Variants in TFEC observed in about 807,000 individuals in gnomAD.
The protein encoded by TFEC is class E basic helix-loop-helix protein 34.
Under a neutral mutation model 41.6 loss-of-function variants are expected in TFEC, and 31 were observed. The ratio of observed to expected loss-of-function variants is 0.74; its 90% CI spans 0.56 to 1.01. TFEC has a LOEUF of 1.01. Ranked by LOEUF, TFEC falls within the 50% of genes least tolerant of loss-of-function variation. The probability of loss-of-function intolerance (pLI) is 0.00; values close to 1 mark genes in which losing one functional copy is unlikely to be tolerated. For synonymous variants in TFEC, 143 were observed against 140.6 expected (o/e 1.02, Z -0.12); for missense variants, 402 against 404.1 (o/e 0.99, Z 0.04).
chr7:116,097,437 C>T (rs1797492190), intron 3 of TFEC, among the ~76,000 whole-genome samples: 3 of 151,982 alleles, frequency 2.0e-5, no homozygotes, highest in African/African-American at 7.3e-5. Context: ...AACAATATGC[C>T]AACATCAATA....
intron 7 of TFEC, chr7:115,941,150 C>T (rs1793475628): frequency 2.0e-6 from 1 of 489,282 alleles, no homozygotes. Flanking sequence ...TAAGTTTGGT[C>T]TCATTGTTCT....
chr7:116,030,297 A>G (rs560471823), intron 1 of TFEC, among the ~76,000 whole-genome samples: 1 of 152,218 alleles, frequency 6.6e-6, no homozygotes, highest in Non-Finnish European at 1.5e-5. Flanking sequence ...AAAATAACAT[A>G]TATAAGAGGC....
At chr7:116,032,868 G>A (rs545825367), upstream of TFEC, among the ~76,000 whole-genome samples, 17 of 151,902 alleles carry the variant, frequency 1.1e-4, no homozygotes, top group East Asian at 5.8e-4. Flanking sequence ...CATGCATGTC[G>A]TTTCTAATAA....
At chr7:116,129,800 C>T (rs533398662) in intron 1 of TFEC, among the ~76,000 whole-genome samples, 4 of 151,656 alleles carry the variant, frequency 2.6e-5, no homozygotes, top group African/African-American at 7.3e-5. Context: ...AATATTCTTA[C>T]GTTCTATAAT....
chr7:116,007,642 T>A (rs541674565), intron 1 of TFEC, among the ~76,000 whole-genome samples: 1 of 152,152 alleles, frequency 6.6e-6, no homozygotes, highest in African/African-American at 2.4e-5. Context: ...GTGTTTCAGA[T>A]CCTACTAGGT....
At chr7:115,990,302 C>G (rs2130712429) in intron 1 of TFEC, among the ~76,000 whole-genome samples, 1 of 152,290 alleles carries the variant, frequency 6.6e-6, no homozygotes, top group East Asian at 1.9e-4. Context: ...GCTGAAAATT[C>G]TAAAATCAGA....
chr7:116,134,453 A>G (rs893279625), intron 1 of TFEC, among the ~76,000 whole-genome samples: 2 of 152,176 alleles, frequency 1.3e-5, no homozygotes, highest in Non-Finnish European at 2.9e-5. Flanking sequence ...AATCAGAAAC[A>G]TTACTATGCA....
In TFEC at chr7:115,942,017, G is replaced by T. The variant is rs1481790402; in HGVS notation, c.539C>A (p.Thr180Asn). Residue 180 changes from threonine (T) to asparagine (N), a missense_variant, in exon 7 of 8, where the codon ACC (threonine) becomes AAC (asparagine). Physicochemically the swap from Thr to Asn is moderately conservative, Grantham distance 65 (BLOSUM62 0). Coordinates refer to ENST00000265440, the MANE Select transcript of TFEC (RefSeq NM_012252.4). ...NDPDMRWNKG[T>N]ILKASVEYIK... ...GTACTCCACTGATGCTTTTAGAATGGTTCCTTTGTTCCAGCGCATATCACT... is the reference window on the plus strand; with the variant it reads ...GTACTCCACTGATGCTTTTAGAATGTTTCCTTTGTTCCAGCGCATATCACT... 1 of 1,612,548 alleles carries T rather than the reference G, an allele frequency of 6.2e-7. No homozygotes were observed. Among genetic ancestry groups the T allele is most frequent in the Non-Finnish European group, 8.5e-7 (1 of 1,179,064 alleles).
chr7:116,027,110 A>C (rs1020364606), intron 1 of TFEC, among the ~76,000 whole-genome samples: 1 of 152,226 alleles, frequency 6.6e-6, no homozygotes, highest in East Asian at 1.9e-4. Context: ...GAGTGTTAAC[A>C]TATTAGCCCC....
upstream of TFEC, among the ~76,000 whole-genome samples, chr7:116,035,694 G>A (rs1426862324): frequency 6.6e-6 from 1 of 151,970 alleles, no homozygotes; most frequent in East Asian, 1.9e-4. Flanking sequence ...TAGACAGAAA[G>A]TGAAAACCTT....
At chr7:115,948,725 A>G (rs553240193) in intron 6 of TFEC, among the ~76,000 whole-genome samples, 1 of 149,424 alleles carries the variant, frequency 6.7e-6, no homozygotes, top group African/African-American at 2.5e-5. Flanking sequence ...ATCTATGACA[A>G]ACCCACAGCC....
chr7:116,042,093 A>G (rs1427322233), intron 3 of TFEC, among the ~76,000 whole-genome samples: 3 of 152,176 alleles, frequency 2.0e-5, no homozygotes, highest in South Asian at 2.1e-4. Context: ...TGTAGGTGAC[A>G]CAGTTAGATT....
rs1298946159 is a variant in TFEC at position 115,936,819 on chromosome 7, G to A, written c.*3732C>T. On this transcript the variant is annotated 3_prime_UTR_variant, in exon 8 of 8. Transcript: ENST00000265440. Reference sequence around the variant, plus strand: ...AGTCATGTAGGTGGGAAAAAAATGAGTTGAAAAAGGAAGAGGAAGGCTATT... The same window carrying A: ...AGTCATGTAGGTGGGAAAAAAATGAATTGAAAAAGGAAGAGGAAGGCTATT... 6.6e-6 allele frequency: 1 copy of A among 151,380 alleles called. No homozygotes were observed. Among genetic ancestry groups the A allele is most frequent in the Non-Finnish European group, 1.5e-5 (1 of 67,624 alleles). The allele number at this position is 151,380 out of a possible 1,614,324, so 9.4% of individuals were successfully genotyped here. A position where few individuals can be genotyped will look rare whatever the true frequency, so the allele number is the denominator to read the frequency against.
At chr7:116,060,037 G>C (rs1187405935) in intron 3 of TFEC, among the ~76,000 whole-genome samples, 3 of 151,944 alleles carry the variant, frequency 2.0e-5, no homozygotes, top group African/African-American at 7.2e-5. Context: ...TTTATTCTTA[G>C]ATCACATGAG....
chr7:116,118,495 G>A (rs1277763318), intron 1 of TFEC, among the ~76,000 whole-genome samples: 1 of 151,662 alleles, frequency 6.6e-6, no homozygotes, highest in East Asian at 1.9e-4. Flanking sequence ...CTACCTGCTG[G>A]CATCTTTTCC....
intron 1 of TFEC, among the ~76,000 whole-genome samples, chr7:116,030,042 G>A (rs1211670641): frequency 6.6e-6 from 1 of 152,128 alleles, no homozygotes; most frequent in Non-Finnish European, 1.5e-5. Context: ...CTCCAGCCTG[G>A]GTGACAGGGT....
chr7:116,095,429 T>A (rs1350610270), intron 3 of TFEC, among the ~76,000 whole-genome samples: 1 of 152,006 alleles, frequency 6.6e-6, no homozygotes, highest in Non-Finnish European at 1.5e-5. Flanking sequence ...CACATACACA[T>A]ATACATACAC....
intron 3 of TFEC, among the ~76,000 whole-genome samples, chr7:116,053,477 CTT>C (rs2130963649): frequency 6.6e-6 from 1 of 152,302 alleles, no homozygotes; most frequent in Non-Finnish European, 1.5e-5. Flanking sequence ...GTTTGAATGT[CTT>C]TTCCAAAAGT....
At chr7:115,961,775 T>G (rs1308320756) in intron 3 of TFEC, among the ~76,000 whole-genome samples, 1 of 151,716 alleles carries the variant, frequency 6.6e-6, no homozygotes, top group African/African-American at 2.4e-5. Flanking sequence ...CTGTTTTCAC[T>G]ACTTCTATTC....
Sources: allele counts gnomAD v4.1 joint callset (sites outside exome capture counted in the v4.1 genomes callset), GRCh38; gene constraint gnomAD v4.1.1; transcripts MANE v1.5; gene names NCBI Gene and HGNC (gene_info 2026-07-23, HGNC 2026-07-21).